The following GPNMB variants were observed in gnomAD, a reference collection of about 807,000 sequenced individuals.
GPNMB encodes the protein transmembrane glycoprotein NMB.
In GPNMB, 71 loss-of-function variants were observed where a neutral mutation model predicts 57.3. The ratio of observed to expected loss-of-function variants is 1.24; its 90% CI spans 1.02 to 1.51. GPNMB has a LOEUF of 1.51. Among genes scored for constraint, GPNMB ranks in the 40% most tolerant of loss-of-function variants. The pLI is 0.00. For synonymous variants in GPNMB, 253 were observed against 263.2 expected, an observed-to-expected ratio of 0.96 and a Z score of 0.38; for missense variants, 677 against 691.9, an observed-to-expected ratio of 0.98 and a Z score of 0.24.
At chr7:23,266,290 T>C (rs1336756561) in intron 6 of GPNMB, 1 of 528,994 alleles carries the variant, frequency 1.9e-6, no homozygotes, top group Non-Finnish European at 3.3e-6. Flanking sequence ...ACACAAAATG[T>C]GGGATTATGC....
At chr7:23,249,074 G>A (rs541778034) in intron 1 of GPNMB, among the ~76,000 whole-genome samples, 1 of 152,060 alleles carries the variant, frequency 6.6e-6, no homozygotes, top group Admixed American at 6.5e-5. Flanking sequence ...ACCTTATCCG[G>A]ATGGGTTTAT....
At position 23,260,068 on chromosome 7, in the gene GPNMB, G is replaced by A. The variant is rs894442043; in HGVS notation, c.630G>A (p.Val210=). The A allele has an allele frequency of 1.2e-6, 2 of 1,614,042 alleles. No homozygotes were observed. The highest frequency in any genetic ancestry group is 1.3e-5 in the African/African-American group (1 of 75,046). The change falls in exon 5 of 11, where the codon GTG becomes GTA. Residue 210 remains valine, a synonymous_variant. Transcript: ENST00000258733. ...CACTTGGGCCTCAACTCATGGAAGT[G>A]ACTGTCTACAGAAGACATGGACGGG... ...NVTLGPQLME[V]TVYRRHGRAY... is the part of the protein sequence containing the mutation.
intron 1 of GPNMB, among the ~76,000 whole-genome samples, chr7:23,250,186 A>C (rs1242800676): frequency 1.3e-5 from 2 of 152,116 alleles, no homozygotes; most frequent in Non-Finnish European, 2.9e-5. Context: ...CCTTTATTGG[A>C]AGTGTAGTTT....
chr7:23,271,055 C>T (rs6461704), intron 9 of GPNMB, among the ~76,000 whole-genome samples: 4,918 of 152,262 alleles, frequency 0.032, 237 homozygotes, highest in East Asian at 0.12. Flanking sequence ...TTCCGTGTAA[C>T]GGGGATGGTG....
In GPNMB at chr7:23,274,072, A is replaced by G; in HGVS notation, c.1531A>G (p.Lys511Glu). The G allele has an allele frequency of 1.2e-6, 2 of 1,600,730 alleles. No homozygotes were observed. Among genetic ancestry groups the G allele is most frequent in the South Asian group, 2.3e-5 (2 of 87,746 alleles). Residue 511 changes from lysine (K) to glutamate (E), a missense_variant, in exon 11 of 11, where the codon AAG becomes GAG. Physicochemically the swap from Lys to Glu is moderately conservative, Grantham distance 56. Coordinates refer to ENST00000258733, the MANE Select transcript of GPNMB (RefSeq NM_002510.3). Reference sequence around the variant, plus strand: ...CCAACAGATTGTTTTCAGAAAACACAAGGAATACAACCCAATAGAAAATAG... The same window carrying G: ...CCAACAGATTGTTTTCAGAAAACACGAGGAATACAACCCAATAGAAAATAG... ...VISLLVYKKHKEYNPIENSPG... is the reference protein window; with the variant it reads ...VISLLVYKKHEEYNPIENSPG...
intron 6 of GPNMB, among the ~76,000 whole-genome samples, chr7:23,263,673 G>A (rs889059069): frequency 6.6e-6 from 1 of 150,424 alleles, no homozygotes; most frequent in Non-Finnish European, 1.5e-5. Flanking sequence ...AAGTTTTATT[G>A]CGAAGGAAAG....
intron 2 of GPNMB, 85 bp downstream of exon 2, chr7:23,253,544 C>T: frequency 1.8e-6 from 2 of 1,142,720 alleles, no homozygotes; most frequent in Non-Finnish European, 2.5e-6. Flanking sequence ...GATCACACGG[C>T]TCACGTCATT....
chr7:23,267,997 A>C lies in GPNMB; in HGVS notation c.1220+9A>C, dbSNP rs1244061294. The C allele has an allele frequency of 1.9e-6, 3 of 1,541,712 alleles. No homozygotes were observed. The highest frequency in any genetic ancestry group is 1.8e-6 in the Non-Finnish European group (2 of 1,129,764). On this transcript the variant is annotated intron_variant, in intron 8 of 10. Coordinates refer to ENST00000258733, the MANE Select transcript of GPNMB (RefSeq NM_002510.3). The stretch of plus-strand genomic sequence containing the variant: ...GTGACCTGCCAAGGGAGGTGAGTAT[A>C]TTATCTCCGACAGAGGCATGGGTGG...
chr7:23,251,304 A>G (rs541448024), intron 1 of GPNMB, among the ~76,000 whole-genome samples: 1 of 152,280 alleles, frequency 6.6e-6, no homozygotes, highest in South Asian at 2.1e-4. Context: ...ACTCAATACC[A>G]CACCTCATGG....
chr7:23,254,316 A>G lies in GPNMB; in HGVS notation c.367+4A>G, dbSNP rs377653957. 3.4e-5 allele frequency: 55 copies of G among 1,611,546 alleles called. No individual in the cohort carries two copies. The African/African-American group carries it at 6.9e-4, about 20-fold the overall frequency. ...TATGAGAAGAACTGCAGAAATGGTA[A>G]GAACACAGTATTCTCCTAAACTACT... On this transcript the variant is annotated splice_donor_region_variant and intron_variant, in intron 3 of 10. Coordinates refer to ENST00000258733, the MANE Select transcript of GPNMB (RefSeq NM_002510.3).
chr7:23,263,498 G>A (rs564266265), intron 6 of GPNMB, among the ~76,000 whole-genome samples: 1 of 151,682 alleles, frequency 6.6e-6, no homozygotes, highest in African/African-American at 2.4e-5. Context: ...TGTAATCCCA[G>A]CTACTTGGGA....
chr7:23,257,961 G>A (rs562687418), intron 4 of GPNMB: 1 of 152,174 alleles, frequency 6.6e-6, no homozygotes, highest in Admixed American at 6.5e-5. Context: ...TTGATGATAT[G>A]ATTTTTTTAA....
chr7:23,255,261 C>T (rs1004067535), intron 3 of GPNMB, among the ~76,000 whole-genome samples: 3 of 152,156 alleles, frequency 2.0e-5, no homozygotes, highest in African/African-American at 7.2e-5. Context: ...TCGTGGTCCG[C>T]CCGCCTCGGT....
In GPNMB at chr7:23,271,564, G is replaced by T. The variant is rs528169114; in HGVS notation, c.1429+1389G>T. The stretch of plus-strand genomic sequence containing the variant: ...TAATCCCAGCACTTTGGGAGGCCAA[G>T]GTGGGCAGATCACTTGAGATCAGGA... On this transcript the variant is annotated intron_variant, in intron 9 of 10. Coordinates refer to ENST00000258733, the MANE Select transcript of GPNMB (RefSeq NM_002510.3). Among the ~76,000 whole-genome samples, 6 of 152,352 alleles carry T rather than the reference G, an allele frequency of 3.9e-5. No homozygotes were observed. In the East Asian group the frequency reaches 1.2e-3, roughly 29 times the overall value.
intron 6 of GPNMB, among the ~76,000 whole-genome samples, chr7:23,264,112 A>C (rs1046555419): frequency 6.6e-5 from 10 of 150,918 alleles, no homozygotes. Flanking sequence ...AAAAAAAAAA[A>C]CCTTTTGTAA....
At position 23,256,925 on chromosome 7, in the gene GPNMB, A is replaced by C. The variant is rs750909778; in HGVS notation, c.401A>C (p.Asn134Thr). 2 of 1,614,214 alleles carry C rather than the reference A, an allele frequency of 1.2e-6. No homozygotes were observed. Among genetic ancestry groups the C allele is most frequent in the Non-Finnish European group, 1.7e-6 (2 of 1,180,008 alleles). ...AGLSADPYVY[N>T]WTAWSEDSDG... ...TTATCTGCTGATCCGTATGTTTACA[A>C]CTGGACAGCATGGTCAGAGGACAGT... is the stretch of plus-strand genomic sequence containing the variant. Residue 134 changes from asparagine (N) to threonine (T), a missense_variant, in exon 4 of 11, where the codon AAC (asparagine) becomes ACC (threonine). Asn to Thr is a moderately conservative substitution (Grantham distance 65). Coordinates refer to ENST00000258733, the MANE Select transcript of GPNMB (RefSeq NM_002510.3).
At chr7:23,265,377 T>C (rs1783032500) in intron 6 of GPNMB, among the ~76,000 whole-genome samples, 1 of 152,234 alleles carries the variant, frequency 6.6e-6, no homozygotes. Context: ...AAAAGAAGAT[T>C]GTATTTTCAG....
chr7:23,273,612 CAAGT>C lies in GPNMB; in HGVS notation c.1523+3_1523+6del. On this transcript the variant is annotated splice_donor_variant and coding_sequence_variant, in exon 10 of 11. Transcript: ENST00000258733. LOFTEE classifies it high-confidence loss of function. ...TCACTGTGATCTCCCTCTTGGTGTA[CAAGT>C]AAGTTTTTGGTTCCTACGCTTTATA... The C allele has an allele frequency of 6.3e-7, 1 of 1,599,462 alleles. No individual in the cohort carries two copies. The highest frequency in any genetic ancestry group is 1.1e-5 in the South Asian group (1 of 90,822).
At chr7:23,261,635 G>C (rs1782927487) in intron 6 of GPNMB, among the ~76,000 whole-genome samples, 1 of 151,994 alleles carries the variant, frequency 6.6e-6, no homozygotes, top group Non-Finnish European at 1.5e-5. Flanking sequence ...CTGTCGGGGG[G>C]TAGGGGTAGG....
Sources: gnomAD v4.1 joint callset for allele counts (sites outside exome capture counted in the v4.1 genomes callset) on GRCh38, gnomAD v4.1.1 for gene constraint, MANE v1.5 for transcripts, NCBI Gene and HGNC (gene_info 2026-07-23, HGNC 2026-07-21) for gene names.